HDAC9: variants seen among roughly 807,000 people sequenced by gnomAD.
HDAC9 encodes the protein MEF-2 interacting transcription repressor (MITR) protein.
In HDAC9, 41 loss-of-function variants were observed where a neutral mutation model predicts 139.4. That is an observed-to-expected ratio of 0.29 (90% CI 0.23 to 0.38). HDAC9 has a LOEUF of 0.38. HDAC9 is among the 10% of genes least tolerant of loss of function. HDAC9 has a pLI of 1.00. For missense variants in HDAC9, 1,147 were observed against 1,297.0 expected, an observed-to-expected ratio of 0.88 and a Z score of 1.78; for synonymous variants, 517 against 476.2, an observed-to-expected ratio of 1.09 and a Z score of -1.12.
intron 1 of HDAC9, among the ~76,000 whole-genome samples, chr7:18,475,278 T>A (rs994113172): frequency 6.6e-6 from 1 of 152,188 alleles, no homozygotes; most frequent in Non-Finnish European, 1.5e-5. Context: ...CACCAAATAT[T>A]CTGTTTCTTG....
At chr7:18,944,964 A>T (rs1445708493) in intron 23 of HDAC9, among the ~76,000 whole-genome samples, 1 of 152,158 alleles carries the variant, frequency 6.6e-6, no homozygotes, top group Non-Finnish European at 1.5e-5. Flanking sequence ...AGATAAAGGG[A>T]ATTTTTCCAG....
chr7:18,488,607 T>C (rs964494703), intron 1 of HDAC9, among the ~76,000 whole-genome samples: 1 of 152,000 alleles, frequency 6.6e-6, no homozygotes, highest in East Asian at 1.9e-4. Flanking sequence ...AGATAGAGCA[T>C]GAAGACATTA....
In HDAC9 at chr7:18,874,580, C is replaced by T. The variant is rs1232518608; in HGVS notation, c.2787C>T (p.Tyr929=). Residue 929 remains tyrosine, a synonymous_variant, in exon 22 of 26, where the codon TAC becomes TAT. Transcript: ENST00000686413. ...LEGHTPPLGG[Y]KVTAKCFGHL... Reference sequence around the variant, plus strand: ...GCCACACCCCTCCTCTAGGAGGGTACAAAGTGACGGCAAAATGTAAGTACC... The same window carrying T: ...GCCACACCCCTCCTCTAGGAGGGTATAAAGTGACGGCAAAATGTAAGTACC... The T allele has an allele frequency of 1.3e-6, 2 of 1,579,040 alleles. No individual in the cohort carries two copies. Among genetic ancestry groups the T allele is most frequent in the Admixed American group, 1.8e-5 (1 of 56,576 alleles).
intron 1 of HDAC9, among the ~76,000 whole-genome samples, chr7:18,409,748 GA>G (rs1172273584): frequency 2.6e-5 from 4 of 152,004 alleles, no homozygotes; most frequent in African/African-American, 9.7e-5. Context: ...CTAAATTTTG[GA>G]AAAAGTGATA....
intron 1 of HDAC9, among the ~76,000 whole-genome samples, chr7:18,107,780 C>A (rs1783327569): frequency 6.6e-6 from 1 of 152,134 alleles, no homozygotes; most frequent in Admixed American, 6.5e-5. Flanking sequence ...AACATTAACT[C>A]CCATTTTGGA....
At position 18,408,372 on chromosome 7, in the gene HDAC9, G is replaced by A. The variant is rs114805060; in HGVS notation, c.-41-87890G>A. 5.1e-3 allele frequency among the ~76,000 whole-genome samples: 784 copies of A among 152,262 alleles called. 6 individuals carry two copies. The highest frequency in any genetic ancestry group is 0.018 in the African/African-American group (741 of 41,558). On this transcript the variant is annotated intron_variant, in intron 1 of 3. Transcript: ENST00000413509. ...ATTCCTAACTTGTGTCTGTCTCTTG[G>A]CCTTTGAGTATATAGGTATTTTCAC... is the stretch of plus-strand genomic sequence containing the variant.
At chr7:18,882,523 G>A (rs1001804651) in intron 22 of HDAC9, among the ~76,000 whole-genome samples, 5 of 151,806 alleles carry the variant, frequency 3.3e-5, no homozygotes, top group African/African-American at 1.2e-4. Context: ...TATTAAACTG[G>A]AAATAAACAG....
At chr7:18,784,371 A>G (rs1440851490) in intron 16 of HDAC9, among the ~76,000 whole-genome samples, 1 of 151,866 alleles carries the variant, frequency 6.6e-6, no homozygotes, top group Non-Finnish European at 1.5e-5. Context: ...CACCACCAAA[A>G]GCTAGCTCAA....
At chr7:18,770,269 C>T (rs1474869723) in intron 16 of HDAC9, among the ~76,000 whole-genome samples, 2 of 152,110 alleles carry the variant, frequency 1.3e-5, no homozygotes, top group African/African-American at 4.8e-5. Context: ...TTATGGCTGA[C>T]TCATTTCTGA....
intron 13 of HDAC9, among the ~76,000 whole-genome samples, chr7:18,730,746 T>C (rs1032819672): frequency 6.6e-6 from 1 of 152,228 alleles, no homozygotes; most frequent in Non-Finnish European, 1.5e-5. Context: ...CATCACAACT[T>C]CAGGGATAGA....
chr7:18,788,768 A>G (rs1792042382), intron 16 of HDAC9, among the ~76,000 whole-genome samples: 1 of 151,126 alleles, frequency 6.6e-6, no homozygotes, highest in Admixed American at 6.6e-5. Flanking sequence ...AAAAAAAAAA[A>G]AAGACCCAAA....
intron 1 of HDAC9, among the ~76,000 whole-genome samples, chr7:18,108,929 CTT>C (rs541448965): frequency 6.8e-4 from 104 of 152,198 alleles, no homozygotes; most frequent in African/African-American, 2.2e-3. Flanking sequence ...ACACTCGTCT[CTT>C]ATCAGGAATA....
chr7:18,842,228 A>C (rs948716298), intron 21 of HDAC9, among the ~76,000 whole-genome samples: 7 of 152,076 alleles, frequency 4.6e-5, no homozygotes, highest in Non-Finnish European at 8.8e-5. Context: ...TTTCCCAAGG[A>C]TGTTGAAGAC....
intron 1 of HDAC9, among the ~76,000 whole-genome samples, chr7:18,454,676 T>G (rs1793184654): frequency 6.6e-6 from 1 of 152,102 alleles, no homozygotes; most frequent in South Asian, 2.1e-4. Context: ...AGCAAGAAAC[T>G]TTCTTTAATT....
At chr7:18,275,753 C>T (rs1796676835) in intron 2 of HDAC9, among the ~76,000 whole-genome samples, 2 of 152,246 alleles carry the variant, frequency 1.3e-5, no homozygotes, top group East Asian at 3.9e-4. Flanking sequence ...TCTCAGAAGT[C>T]ACCATACCAC....
chr7:18,504,319 T>G (rs1426837515), intron 2 of HDAC9, among the ~76,000 whole-genome samples: 1 of 152,228 alleles, frequency 6.6e-6, no homozygotes, highest in Non-Finnish European at 1.5e-5. Context: ...TTTGTTCTGT[T>G]TTTTGAGACA....
chr7:18,102,964 C>G (rs1460334592), intron 1 of HDAC9, among the ~76,000 whole-genome samples: 1 of 152,164 alleles, frequency 6.6e-6, no homozygotes, highest in African/African-American at 2.4e-5. Flanking sequence ...GTGTATTAAT[C>G]TGTTCTCACA....
chr7:18,768,014 T>G (rs1789976392), intron 16 of HDAC9, among the ~76,000 whole-genome samples: 1 of 152,218 alleles, frequency 6.6e-6, no homozygotes, highest in Non-Finnish European at 1.5e-5. Context: ...TTTAGTTTAT[T>G]CTATCATTTT....
intron 1 of HDAC9, among the ~76,000 whole-genome samples, chr7:18,143,792 C>CAAAAAAAAAA (rs71014311): frequency 5.7e-5 from 7 of 122,574 alleles, no homozygotes; most frequent in African/African-American, 2.3e-4. Flanking sequence ...GACTCCATCT[C>CAAAAAAAAAA]AAAAAAAAAA....
Sources: gnomAD v4.1 joint callset for allele counts (sites outside exome capture counted in the v4.1 genomes callset) on GRCh38, gnomAD v4.1.1 for gene constraint, MANE v1.5 for transcripts, NCBI Gene and HGNC (gene_info 2026-07-23, HGNC 2026-07-21) for gene names.